The following BTBD16 variants were observed in gnomAD, a reference collection of about 807,000 sequenced individuals.
The protein encoded by BTBD16 is BTB/POZ domain-containing protein 16.
BTBD16 carries 66 observed loss-of-function variants against 67.4 expected under a neutral mutation model. The ratio of observed to expected loss-of-function variants is 0.98; its 90% CI spans 0.80 to 1.20. The LOEUF (loss-of-function observed/expected upper bound fraction) is 1.20. Ranked by LOEUF, BTBD16 falls within the 50% of genes most tolerant of loss-of-function variation. The pLI, the probability that BTBD16 is intolerant of heterozygous loss-of-function variation, is 0.00. For synonymous variants in BTBD16, 242 were observed against 236.4 expected (o/e 1.02, Z -0.22); for missense variants, 634 against 616.0 (o/e 1.03, Z -0.31).
intron 15 of BTBD16, among the ~76,000 whole-genome samples, chr10:122,337,380 G>A (rs1336718724): frequency 1.3e-5 from 2 of 152,204 alleles, no homozygotes; most frequent in African/African-American, 2.4e-5. Flanking sequence ...GTGGGGGTGA[G>A]GGAGAGGGGC....
intron 2 of BTBD16, 130 bp downstream of exon 2, chr10:122,275,229 C>A: frequency 1.1e-6 from 1 of 890,110 alleles, no homozygotes; most frequent in Non-Finnish European, 1.9e-6. Context: ...GCTGACTCGG[C>A]TGGAAAGAGC....
intron 2 of BTBD16, 107 bp from the exon 3 acceptor site, chr10:122,276,684 A>ACC (rs2096341208): frequency 1.4e-6 from 2 of 1,434,582 alleles, no homozygotes; most frequent in Non-Finnish European, 1.9e-6. Flanking sequence ...ATTAACCAGC[A>ACC]CTGTAAAATT....
intron 4 of BTBD16, among the ~76,000 whole-genome samples, chr10:122,284,673 A>ATTTTTTT (rs60823097): frequency 8.0e-6 from 1 of 124,688 alleles, no homozygotes; most frequent in African/African-American, 2.9e-5. Context: ...CTTAAAGTGG[A>ATTTTTTT]TTTTTTTTTT....
rs768037446 is a variant in BTBD16, at chr10:122,276,814, G to A, written c.42G>A (p.Arg14=). Residue 14 remains arginine (R), a synonymous_variant, in exon 3 of 16, where the codon CGG becomes CGA. Transcript: ENST00000260723. Reference sequence around the variant, plus strand: ...AGCACAAAGCTCGGCTGGAACGCCGGGTCACTGGCTCAACCAACCGGTGGC... The same window carrying A: ...AGCACAAAGCTCGGCTGGAACGCCGAGTCACTGGCTCAACCAACCGGTGGC... ...SNTHKARLER[R]VTGSTNRWRL... is the part of the protein sequence containing the mutation. 1.8e-5 allele frequency: 29 copies of A among 1,614,070 alleles called. No homozygotes were observed. In the South Asian group the frequency reaches 3.1e-4, roughly 17 times the overall value.
intron 10 of BTBD16, among the ~76,000 whole-genome samples, chr10:122,313,060 T>C (rs930929609): frequency 6.6e-6 from 1 of 151,394 alleles, no homozygotes; most frequent in Admixed American, 6.6e-5. Context: ...GTATTTTTAG[T>C]AGAGACGGGG....
intron 9 of BTBD16, among the ~76,000 whole-genome samples, chr10:122,304,970 C>A (rs181748524): frequency 6.6e-6 from 1 of 152,114 alleles, no homozygotes; most frequent in Non-Finnish European, 1.5e-5. Context: ...AGCTTCCATC[C>A]GCTGAGCATG....
In BTBD16 at chr10:122,297,766, A is replaced by C; in HGVS notation, c.591-2A>C. The C allele has an allele frequency of 6.2e-7, 1 of 1,614,148 alleles. No individual in the cohort carries two copies. The highest frequency in any genetic ancestry group is 8.5e-7 in the Non-Finnish European group (1 of 1,179,988). ...CCAGAAACTGCAGTTCTCTCTCTCC[A>C]GGTGCGTGGATGTGATGATAGCCAG... On this transcript the variant is annotated splice_acceptor_variant, in intron 7 of 15. Transcript: ENST00000260723. LOFTEE classifies it high-confidence loss of function.
In BTBD16 at chr10:122,336,474, G is replaced by A. The variant is rs771979233; in HGVS notation, c.1264-20G>A. The A allele has an allele frequency of 3.2e-6, 5 of 1,582,496 alleles. No homozygotes were observed. Among genetic ancestry groups the A allele is most frequent in the Admixed American group, 3.8e-5 (2 of 52,950 alleles). ...CACCCCGATTGCAGTTCCACCTAAG[G>A]TGAATCACTCTCTTTGCAGAGAATA... On this transcript the variant is annotated intron_variant, in intron 14 of 15. Coordinates refer to ENST00000260723, the MANE Select transcript of BTBD16 (RefSeq NM_144587.5).
intron 13 of BTBD16, chr10:122,333,035 G>T: frequency 1.1e-6 from 1 of 880,134 alleles, no homozygotes; most frequent in Non-Finnish European, 1.4e-6. Flanking sequence ...CTTGGAGTTG[G>T]TAGCTGTGCT....
intron 3 of BTBD16, among the ~76,000 whole-genome samples, chr10:122,277,724 G>A (rs991358459): frequency 6.6e-6 from 1 of 152,134 alleles, no homozygotes; most frequent in Non-Finnish European, 1.5e-5. Context: ...ACCCACCCCT[G>A]AGGGATGGTA....
At chr10:122,314,260 C>T (rs796735022) in intron 10 of BTBD16, among the ~76,000 whole-genome samples, 45 of 152,218 alleles carry the variant, frequency 3.0e-4, no homozygotes, top group African/African-American at 1.1e-3. Flanking sequence ...TGGCTCACAC[C>T]AGTAATTTCA....
chr10:122,313,822 G>A lies in BTBD16; in HGVS notation c.911+6514G>A, dbSNP rs143368330. Among the ~76,000 whole-genome samples, 458 of 152,230 alleles carry A rather than the reference G, an allele frequency of 3.0e-3. 2 individuals carry two copies. Among genetic ancestry groups the A allele is most frequent in the African/African-American group, 0.01 (418 of 41,552 alleles). ...CAGTGTCTGTCACCTTTGTCATAAC[G>A]TATTTTACATGCTATGTGTTAAATG... is the stretch of plus-strand genomic sequence containing the variant. On this transcript the variant is annotated intron_variant, in intron 10 of 15. Transcript: ENST00000260723.
At chr10:122,321,521 T>C (rs896643896) in intron 10 of BTBD16, among the ~76,000 whole-genome samples, 1 of 152,236 alleles carries the variant, frequency 6.6e-6, no homozygotes, top group African/African-American at 2.4e-5. Context: ...CAACATTTCT[T>C]ACTTTTTGAC....
rs139419513 is a variant in BTBD16, at chr10:122,299,081, C to T, written c.738C>T (p.Ile246=). ...TGGTTCCTCTAGGGGGGACGCAGAT[C>T]CACCTCCACAAAATCCCACAGGACC... ...MNLVPLGGTQ[I]HLHKIPQDLL... is the part of the protein sequence containing the mutation. The change falls in exon 9 of 16, where the codon ATC becomes ATT. Residue 246 remains isoleucine (I), a synonymous_variant. Coordinates refer to ENST00000260723, the MANE Select transcript of BTBD16 (RefSeq NM_144587.5). The T allele has an allele frequency of 4.0e-4, 641 of 1,614,014 alleles. 5 individuals are homozygous for T. In the African/African-American group the frequency reaches 7.5e-3, roughly 19 times the overall value.
At chr10:122,317,994 T>C (rs1313906409) in intron 10 of BTBD16, among the ~76,000 whole-genome samples, 1 of 152,244 alleles carries the variant, frequency 6.6e-6, no homozygotes, top group Non-Finnish European at 1.5e-5. Context: ...ATGTACTGAA[T>C]GTAATTGCAT....
At chr10:122,286,442 G>A (rs2096363969) in intron 5 of BTBD16, 194 bp downstream of exon 5, 5 of 465,512 alleles carry the variant, frequency 1.1e-5, no homozygotes, top group East Asian at 1.5e-4. Context: ...CTTAGGATGC[G>A]GCTTTGAAGA....
rs955736780 is a variant in BTBD16 at position 122,291,165 on chromosome 10, C to A, written c.561C>A (p.His187Gln). 11 of 1,613,720 alleles carry A rather than the reference C, an allele frequency of 6.8e-6. No individual in the cohort carries two copies. Among genetic ancestry groups the A allele is most frequent in the Non-Finnish European group, 7.6e-6 (9 of 1,179,890 alleles). The change falls in exon 7 of 16, where the codon CAC (histidine) becomes CAA (glutamine). Residue 187 changes from histidine (H) to glutamine (Q), a missense_variant. His to Gln is a conservative substitution (Grantham distance 24). Coordinates refer to ENST00000260723, the MANE Select transcript of BTBD16 (RefSeq NM_144587.5). ...EDLLGVLASAHILQFSGLFQR... is the reference protein window; with the variant it reads ...EDLLGVLASAQILQFSGLFQR... ...TACTGGGAGTGCTGGCTTCCGCCCA[C>A]ATCCTCCAGTTCAGTGGCCTGTTTC...
intron 8 of BTBD16, 76 bp from the exon 9 acceptor site, chr10:122,298,928 G>A: frequency 1.3e-6 from 2 of 1,581,256 alleles, no homozygotes; most frequent in Non-Finnish European, 1.7e-6. Flanking sequence ...GAGCACACGT[G>A]TAGTGTCGTC....
chr10:122,322,010 G>T (rs530602598), intron 10 of BTBD16, among the ~76,000 whole-genome samples: 5 of 152,010 alleles, frequency 3.3e-5, no homozygotes, highest in South Asian at 4.2e-4. Flanking sequence ...TATGTTTTTA[G>T]TATCTATAGA....
Sources: gnomAD v4.1 joint callset for allele counts (sites outside exome capture counted in the v4.1 genomes callset) on GRCh38, gnomAD v4.1.1 for gene constraint, MANE v1.5 for transcripts, NCBI Gene and HGNC (gene_info 2026-07-23, HGNC 2026-07-21) for gene names.